Variants in RALYL observed in about 807,000 individuals in gnomAD.
RALYL encodes RALY RNA binding protein like.
A neutral mutation model predicts 35.1 loss-of-function variants in RALYL; 29 were observed. The observed-to-expected ratio is 0.83, with a 90% CI of 0.61 to 1.13. The LOEUF is 1.13. RALYL is among the 50% of genes most tolerant of loss of function. The pLI is 0.00. For missense variants in RALYL, 359 were observed against 360.4 expected, an observed-to-expected ratio of 1.00 and a Z score of 0.03; for synonymous variants, 120 against 127.6, an observed-to-expected ratio of 0.94 and a Z score of 0.40.
intron 1 of RALYL, among the ~76,000 whole-genome samples, chr8:84,371,539 TCACACACA>T (rs5892914): frequency 2.8e-5 from 4 of 144,068 alleles, no homozygotes; most frequent in South Asian, 2.2e-4. Context: ...TTTATGATTA[TCACACACA>T]CACACACACA....
chr8:84,563,691 T>C (rs1009146687), intron 2 of RALYL, among the ~76,000 whole-genome samples: 21 of 151,818 alleles, frequency 1.4e-4, no homozygotes, highest in African/African-American at 4.8e-4. Flanking sequence ...ACACTGTGGT[T>C]AAAGATAATG....
chr8:84,393,254 G>T (rs940658993), intron 1 of RALYL, among the ~76,000 whole-genome samples: 1 of 151,940 alleles, frequency 6.6e-6, no homozygotes, highest in South Asian at 2.1e-4. Context: ...CCGCTCCCAC[G>T]CTCACTTACA....
At chr8:84,831,384 T>C (rs191368656) in intron 4 of RALYL, among the ~76,000 whole-genome samples, 18 of 152,276 alleles carry the variant, frequency 1.2e-4, no homozygotes, top group Admixed American at 1.1e-3. Flanking sequence ...CTATGTCATT[T>C]TGTATGTGTG....
intron 2 of RALYL, among the ~76,000 whole-genome samples, chr8:84,583,292 C>A (rs1236223369): frequency 1.3e-5 from 2 of 152,028 alleles, no homozygotes; most frequent in Non-Finnish European, 2.9e-5. Flanking sequence ...TTGTTGAATT[C>A]CTGAATATGA....
At chr8:84,834,905 G>A (rs1831642205) in intron 4 of RALYL, among the ~76,000 whole-genome samples, 2 of 152,098 alleles carry the variant, frequency 1.3e-5, no homozygotes, top group Admixed American at 1.3e-4. Flanking sequence ...CCTTTTCAGA[G>A]CTTATGATCT....
At chr8:84,240,949 TGGTATTAACA>T (rs1827714965) in intron 1 of RALYL, among the ~76,000 whole-genome samples, 1 of 152,140 alleles carries the variant, frequency 6.6e-6, no homozygotes, top group Admixed American at 6.5e-5. Flanking sequence ...CTACCTCCCT[TGGTATTAACA>T]GGGAAAAATT....
chr8:84,784,344 G>A (rs530295858), intron 3 of RALYL, among the ~76,000 whole-genome samples: 1 of 152,336 alleles, frequency 6.6e-6, no homozygotes, highest in African/African-American at 2.4e-5. Context: ...AATATTAACA[G>A]TGTAGATGGA....
intron 7 of RALYL, among the ~76,000 whole-genome samples, chr8:84,883,842 T>C (rs1375911875): frequency 6.6e-6 from 1 of 152,066 alleles, no homozygotes; most frequent in Non-Finnish European, 1.5e-5. Context: ...GAAATAAATA[T>C]AGATTCAACT....
intron 1 of RALYL, among the ~76,000 whole-genome samples, chr8:84,383,738 G>C (rs1858517598): frequency 6.8e-6 from 1 of 146,516 alleles, no homozygotes; most frequent in African/African-American, 2.5e-5. Flanking sequence ...AGCTGTGAAA[G>C]GAAGAAAAAA....
At chr8:84,568,135 G>T (rs1198620084) in intron 2 of RALYL, among the ~76,000 whole-genome samples, 1 of 150,628 alleles carries the variant, frequency 6.6e-6, no homozygotes, top group Non-Finnish European at 1.5e-5. Context: ...CGCCATGTTG[G>T]GGTGCTGCAC....
At chr8:84,402,077 T>C (rs1020733785) in intron 1 of RALYL, among the ~76,000 whole-genome samples, 1 of 152,218 alleles carries the variant, frequency 6.6e-6, no homozygotes, top group East Asian at 1.9e-4. Flanking sequence ...CAATGGCAAA[T>C]TGAGAAAAAT....
Position 84,702,539 on chromosome 8 carries a change from T to TCACACACACACACACACA in RALYL, c.257-72030_257-72013dup, listed in dbSNP as rs10678224. On this transcript the variant is annotated intron_variant, in intron 2 of 8. Transcript: ENST00000521268. ...TGCATAGTCTCTCTCTCTCTCTCTC[T>TCACACACACACACACACA]CACACACACACACACACACACACAC... Among the ~76,000 whole-genome samples, 182 of 136,528 alleles carry TCACACACACACACACACA rather than the reference T, an allele frequency of 1.3e-3. 1 individual carries two copies. The highest frequency in any genetic ancestry group is 5.2e-3 in the African/African-American group (169 of 32,552). The allele number at this position is 136,528 out of a possible 152,430, so 89.6% of individuals were successfully genotyped here.
chr8:84,683,473 G>A (rs981758503), intron 2 of RALYL, among the ~76,000 whole-genome samples: 2 of 152,130 alleles, frequency 1.3e-5, no homozygotes, highest in African/African-American at 4.8e-5. Flanking sequence ...TAGTGTAGCA[G>A]TCTAAGTCTA....
rs375910583 is a variant in RALYL at position 84,263,216 on chromosome 8, C to A, written c.-24+78792C>A. Among the ~76,000 whole-genome samples the A allele has an allele frequency of 1.4e-4, 21 of 152,232 alleles. 1 individual carries two copies. In the South Asian group the frequency reaches 4.4e-3, roughly 32 times the overall value. On this transcript the variant is annotated intron_variant, in intron 1 of 8. Coordinates refer to ENST00000521268, the MANE Select transcript of RALYL (RefSeq NM_173848.7). ...ATTTGCCTCCTGTATTAAATGCTTT[C>A]TTTGATACTAAAATGCCTGGGACTC...
intron 2 of RALYL, among the ~76,000 whole-genome samples, chr8:84,741,986 GA>G (rs1453316147): frequency 6.6e-6 from 1 of 151,620 alleles, no homozygotes; most frequent in East Asian, 1.9e-4. Context: ...CTGGGTGGGG[GA>G]TATGGGAGGA....
chr8:84,218,704 C>G (rs1275098745), intron 1 of RALYL, among the ~76,000 whole-genome samples: 1 of 152,066 alleles, frequency 6.6e-6, no homozygotes, highest in African/African-American at 2.4e-5. Flanking sequence ...CACCTGTACA[C>G]AGCTCCACTG....
intron 1 of RALYL, among the ~76,000 whole-genome samples, chr8:84,185,844 CT>C (rs1252817779): frequency 1.3e-5 from 2 of 152,160 alleles, no homozygotes; most frequent in African/African-American, 4.8e-5. Flanking sequence ...CATACACTGG[CT>C]TTTTCAAGCA....
rs34469585 is a variant in RALYL, at chr8:84,243,501, C to CTTTTT, written c.-24+59094_-24+59098dup. Among the ~76,000 whole-genome samples, 50 of 97,482 alleles carry CTTTTT rather than the reference C, an allele frequency of 5.1e-4. 1 individual carries two copies. Among genetic ancestry groups the CTTTTT allele is most frequent in the African/African-American group, 9.4e-4 (23 of 24,542 alleles). 64.0% of individuals were successfully genotyped at this position (97,482 alleles called of 152,430 possible). A position where few individuals can be genotyped will look rare whatever the true frequency, so the allele number is the denominator to read the frequency against. On this transcript the variant is annotated intron_variant, in intron 1 of 8. Transcript: ENST00000521268. ...CCGTTTGTTTCTGTTCTCTCTCACA[C>CTTTTT]TTTTTTTTTTTTTTTTTTTTTGAGG...
At chr8:84,382,078 C>A (rs73298758) in intron 1 of RALYL, among the ~76,000 whole-genome samples, 4,276 of 151,304 alleles carry the variant, frequency 0.028, 198 homozygotes, top group African/African-American at 0.098. Flanking sequence ...ATTTGGTTTT[C>A]TATTGCAGAT....
Sources: gnomAD v4.1 joint callset for allele counts (sites outside exome capture counted in the v4.1 genomes callset) on GRCh38, gnomAD v4.1.1 for gene constraint, MANE v1.5 for transcripts, NCBI Gene and HGNC (gene_info 2026-07-23, HGNC 2026-07-21) for gene names.